CCDC57: variants seen among roughly 807,000 people sequenced by gnomAD.
The protein encoded by CCDC57 is coiled-coil domain containing 57.
A neutral mutation model predicts 118.9 loss-of-function variants in CCDC57; 118 were observed. The ratio of observed to expected loss-of-function variants is 0.99; its 90% confidence interval spans 0.86 to 1.16. The LOEUF (loss-of-function observed/expected upper bound fraction) is 1.16, where lower values mean the gene tolerates loss of function less well. Ranked by LOEUF, CCDC57 falls within the 50% of genes most tolerant of loss-of-function variation. CCDC57 has a pLI of 0.00. For missense variants in CCDC57, 1,300 were observed against 1,320.7 expected, an observed-to-expected ratio of 0.98 and a Z score of 0.24; for synonymous variants, 527 against 532.9, an observed-to-expected ratio of 0.99 and a Z score of 0.15.
In CCDC57 at chr17:82,172,137, C is replaced by T. The variant is rs150683439; in HGVS notation, c.1730-284G>A. Among the ~76,000 whole-genome samples, 5 of 152,344 alleles carry T rather than the reference C, an allele frequency of 3.3e-5. No homozygotes were observed. Among genetic ancestry groups the T allele is most frequent in the Admixed American group, 2.0e-4 (3 of 15,310 alleles). On this transcript the variant is annotated intron_variant, in intron 12 of 19. Transcript: ENST00000665763. This position sits in a 1 kb window ranked among gnomAD's most constrained non-coding sequence, Gnocchi z 5.2. ...GATCAGGAGCAAATGCTCCACCTGC[C>T]GCCAGCCCACGTGCCTCTGTGCAGA...
chr17:82,151,091 G>A (rs1343198885), intron 16 of CCDC57, among the ~76,000 whole-genome samples: 2 of 74,122 alleles, frequency 2.7e-5, no homozygotes, highest in African/African-American at 5.0e-5. Context: ...AGAACCTGGT[G>A]CACACCCAGA....
intron 18 of CCDC57, among the ~76,000 whole-genome samples, chr17:82,128,245 G>C (rs2037765698): frequency 6.6e-6 from 1 of 152,206 alleles, no homozygotes; most frequent in Non-Finnish European, 1.5e-5. Flanking sequence ...GCACAGAAAG[G>C]AAAGGCCAGC....
At chr17:82,127,876 T>C (rs1300637185) in exon 19 of CCDC57, 1 of 1,611,936 alleles carries the variant, frequency 6.2e-7, no homozygotes, top group Non-Finnish European at 8.5e-7. Context: ...GCCGAGGTGA[T>C]TTACAGGTCA....
At chr17:82,139,299 G>C (rs2039706686) in intron 16 of CCDC57, among the ~76,000 whole-genome samples, 1 of 152,162 alleles carries the variant, frequency 6.6e-6, no homozygotes, top group Admixed American at 6.5e-5. Context: ...TTTGAAAAGT[G>C]GCAGTGGTAA....
chr17:82,119,209 C>T (rs1470838889), intron 19 of CCDC57, among the ~76,000 whole-genome samples: 1 of 151,998 alleles, frequency 6.6e-6, no homozygotes, highest in East Asian at 1.9e-4. Context: ...AAACTGCTGC[C>T]TTTGTATATT....
At chr17:82,174,957 G>GT (rs1568364204) in intron 11 of CCDC57, among the ~76,000 whole-genome samples, 1 of 152,142 alleles carries the variant, frequency 6.6e-6, no homozygotes, top group East Asian at 1.9e-4. Flanking sequence ...GACTCAATTC[G>GT]TTTCAGAGTG....
intron 16 of CCDC57, among the ~76,000 whole-genome samples, chr17:82,148,761 T>C (rs1194664937): frequency 3.3e-5 from 2 of 60,974 alleles, no homozygotes; most frequent in African/African-American, 6.7e-5. Flanking sequence ...GGTGGGTGGA[T>C]GGATGGATGG....
At chr17:82,193,027 C>T (rs948638394) in intron 7 of CCDC57, among the ~76,000 whole-genome samples, 7 of 152,148 alleles carry the variant, frequency 4.6e-5, no homozygotes, top group Non-Finnish European at 8.8e-5. Flanking sequence ...CCTGAGCCAC[C>T]GCGCCCAGCC....
At chr17:82,102,885 C>CAA (rs11314063) in intron 19 of CCDC57, among the ~76,000 whole-genome samples, 4 of 130,864 alleles carry the variant, frequency 3.1e-5, no homozygotes, top group Middle Eastern at 3.8e-3. Context: ...AACTCTATCT[C>CAA]AAAAAAAAAA....
rs756530165 is a variant in CCDC57 at position 82,198,316 on chromosome 17, GTC to G, written c.512_513del (p.Arg171ThrfsTer8). ...AGGGGCCGACCCAGAGGCTCTACCT[GTC>G]TCTGCAGAGCAAGCTCACCGTCGAG... On this transcript the variant is annotated frameshift_variant, in exon 4 of 20. Coordinates refer to ENST00000665763, the Ensembl canonical transcript of CCDC57. LOFTEE classifies it high-confidence loss of function. The G allele has an allele frequency of 3.7e-6, 6 of 1,604,822 alleles. No individual in the cohort carries two copies. In the Admixed American group the frequency reaches 1.0e-4, roughly 27 times the overall value.
chr17:82,110,691 C>T (rs911116714), intron 19 of CCDC57, among the ~76,000 whole-genome samples: 1 of 152,152 alleles, frequency 6.6e-6, no homozygotes, highest in Non-Finnish European at 1.5e-5. Context: ...ATTGTAAAAC[C>T]TACTACTGAA....
intron 2 of CCDC57, among the ~76,000 whole-genome samples, chr17:82,202,642 C>T (rs1379907908): frequency 1.3e-5 from 2 of 151,982 alleles, no homozygotes; most frequent in Admixed American, 6.6e-5. Flanking sequence ...CTCAGCTACT[C>T]GGGAGGCTGA....
intron 2 of CCDC57, among the ~76,000 whole-genome samples, chr17:82,204,933 C>T (rs1245066733): frequency 6.6e-6 from 1 of 152,246 alleles, no homozygotes; most frequent in Non-Finnish European, 1.5e-5. Flanking sequence ...GCAGGGCAGG[C>T]TCCTCCTGCC....
At position 82,205,738 on chromosome 17, in the gene CCDC57, A is replaced by G. The variant is rs150099292; in HGVS notation, c.-9+2109T>C. On this transcript the variant is annotated intron_variant, in intron 2 of 19. Transcript: ENST00000665763. ...GCTCCCAGGCCTCTGTGCTCTGCAC[A>G]GAAGAGCAGCCTGAAAAATCCATAC... Among the ~76,000 whole-genome samples the G allele has an allele frequency of 3.5e-3, 528 of 152,332 alleles. 5 individuals are homozygous for G. The highest frequency in any genetic ancestry group is 0.012 in the African/African-American group (505 of 41,562).
intron 2 of CCDC57, among the ~76,000 whole-genome samples, chr17:82,206,555 TGGGGTGTGGGG>T (rs1319474207): frequency 6.9e-6 from 1 of 144,222 alleles, no homozygotes; most frequent in East Asian, 2.3e-4. Flanking sequence ...GAGTGGTGGG[TGGGGTGTGGGG>T]GGGTCCTCCA....
chr17:82,141,330 C>T (rs987126380), intron 16 of CCDC57, among the ~76,000 whole-genome samples: 10 of 152,230 alleles, frequency 6.6e-5, no homozygotes, highest in Admixed American at 4.6e-4. Flanking sequence ...ACTACAGGCA[C>T]CTGCCACCAT....
chr17:82,116,393 C>T (rs1028672999), intron 19 of CCDC57, among the ~76,000 whole-genome samples: 4 of 152,018 alleles, frequency 2.6e-5, no homozygotes, highest in African/African-American at 4.8e-5. Context: ...CCCCAGGGAG[C>T]GGCCCAGGGG....
intron 19 of CCDC57, among the ~76,000 whole-genome samples, chr17:82,124,188 T>C (rs1445459308): frequency 6.6e-6 from 1 of 152,164 alleles, no homozygotes; most frequent in Non-Finnish European, 1.5e-5. Context: ...GGGTACACCC[T>C]GAGGGTAGGA....
intron 15 of CCDC57, chr17:82,157,355 A>C: frequency 1.2e-6 from 1 of 824,784 alleles, no homozygotes; most frequent in Non-Finnish European, 1.5e-6. Flanking sequence ...GCCCAACGCT[A>C]GGCATGGGGC....
Sources: allele counts gnomAD v4.1 joint callset (sites outside exome capture counted in the v4.1 genomes callset), GRCh38; gene constraint gnomAD v4.1.1; non-coding constraint Gnocchi (gnomAD v3.1); transcripts MANE v1.5; gene names NCBI Gene and HGNC (gene_info 2026-07-23, HGNC 2026-07-21).